GRID2: variants seen among roughly 807,000 people sequenced by gnomAD.
The protein encoded by GRID2 is glutamate receptor ionotropic, delta-2.
In GRID2, 33 loss-of-function variants were observed where a neutral mutation model predicts 114.8. That is an observed-to-expected ratio of 0.29 (90% CI 0.22 to 0.38). The LOEUF is 0.38. Among genes scored for constraint, GRID2 ranks in the 10% least tolerant of loss-of-function variants. GRID2 has a pLI of 1.00. For missense variants in GRID2, 1,184 were observed against 1,257.7 expected (o/e 0.94, Z 0.89); for synonymous variants, 505 against 449.9 (o/e 1.12, Z -1.55).
At chr4:93,631,551 T>C (rs1384713817) in intron 14 of GRID2, among the ~76,000 whole-genome samples, 2 of 152,244 alleles carry the variant, frequency 1.3e-5, no homozygotes, top group Admixed American at 1.3e-4. Flanking sequence ...GAACTCATCC[T>C]TTTTTATGGC....
intron 2 of GRID2, among the ~76,000 whole-genome samples, chr4:92,674,183 A>C (rs1201991575): frequency 2.0e-5 from 3 of 152,100 alleles, no homozygotes; most frequent in Non-Finnish European, 4.4e-5. Context: ...CAAATTAAGT[A>C]AAAACAAAAA....
chr4:92,776,069 G>A (rs186126879), intron 2 of GRID2, among the ~76,000 whole-genome samples: 2 of 152,188 alleles, frequency 1.3e-5, no homozygotes, highest in East Asian at 3.9e-4. Flanking sequence ...GATAATCTCA[G>A]ATTAAAACTT....
chr4:92,606,367 A>G (rs1296906932), intron 2 of GRID2, among the ~76,000 whole-genome samples: 1 of 152,086 alleles, frequency 6.6e-6, no homozygotes, highest in Non-Finnish European at 1.5e-5. Flanking sequence ...CAGCTGGGTT[A>G]GGTTAACTTA....
intron 2 of GRID2, among the ~76,000 whole-genome samples, chr4:92,700,383 C>T (rs547683692): frequency 1.5e-4 from 23 of 152,254 alleles, no homozygotes; most frequent in Non-Finnish European, 2.9e-4. Flanking sequence ...ACTTCTACTA[C>T]CAGACACCTA....
At chr4:92,678,375 A>G (rs1229708371) in intron 2 of GRID2, among the ~76,000 whole-genome samples, 2 of 152,106 alleles carry the variant, frequency 1.3e-5, no homozygotes, top group Admixed American at 1.3e-4. Flanking sequence ...TAAACCACCC[A>G]ACATTTTTTA....
intron 1 of GRID2, among the ~76,000 whole-genome samples, chr4:92,495,213 T>C (rs889713122): frequency 6.6e-6 from 1 of 151,986 alleles, no homozygotes; most frequent in African/African-American, 2.4e-5. Flanking sequence ...TTATCTGGAA[T>C]ACATTTCAAG....
At chr4:92,406,279 C>T in intron 1 of GRID2, among the ~76,000 whole-genome samples, 1 of 152,298 alleles carries the variant, frequency 6.6e-6, no homozygotes, top group East Asian at 1.9e-4. Flanking sequence ...AAAACTAATA[C>T]ATAACTTTAA....
rs764370755 is a variant in GRID2, at chr4:93,395,628, A to G, written c.1267A>G (p.Thr423Ala). Residue 423 changes from threonine (T) to alanine (A), a missense_variant, in exon 9 of 16, where the codon ACA becomes GCA. Around this residue, in one of 3 missense-constraint regions of GRID2, gnomAD observed 717 missense variants for 796.9 expected, o/e 0.90. Coordinates refer to ENST00000282020, the MANE Select transcript of GRID2 (RefSeq NM_001510.4). ...VRKLGCWNPV[T>A]GLNGSLTDKK... is the part of the protein sequence containing the mutation. The stretch of plus-strand genomic sequence containing the variant: ...TCAGCTTGGTTGCTGGAATCCTGTC[A>G]CAGGTCTGAATGGGTCACTGACTGA... 14 of 1,569,362 alleles carry G rather than the reference A, an allele frequency of 8.9e-6. No individual in the cohort carries two copies. In the Admixed American group the frequency reaches 1.7e-4, roughly 19 times the overall value.
chr4:93,702,219 C>G (rs369332610), intron 14 of GRID2, among the ~76,000 whole-genome samples: 1 of 152,060 alleles, frequency 6.6e-6, no homozygotes, highest in East Asian at 1.9e-4. Flanking sequence ...TAAATAGATT[C>G]CATACACCAA....
At chr4:93,417,676 AT>A (rs1447296204) in intron 9 of GRID2, among the ~76,000 whole-genome samples, 3 of 151,898 alleles carry the variant, frequency 2.0e-5, no homozygotes, top group Non-Finnish European at 4.4e-5. Flanking sequence ...CAATTTACCC[AT>A]TTTTGAATGT....
At chr4:93,726,950 C>G (rs1729966080) in intron 14 of GRID2, among the ~76,000 whole-genome samples, 1 of 152,184 alleles carries the variant, frequency 6.6e-6, no homozygotes, top group Non-Finnish European at 1.5e-5. Context: ...ATTTGACTTC[C>G]TCTTTTCCTA....
At chr4:92,871,632 T>A (rs1745287029) in intron 2 of GRID2, among the ~76,000 whole-genome samples, 1 of 152,092 alleles carries the variant, frequency 6.6e-6, no homozygotes, top group Admixed American at 6.6e-5. Flanking sequence ...AGGAAGCCAA[T>A]AATTTAGAAA....
intron 2 of GRID2, among the ~76,000 whole-genome samples, chr4:92,600,086 A>ATATATATATATC: frequency 8.1e-6 from 1 of 123,706 alleles, no homozygotes; most frequent in Non-Finnish European, 1.7e-5. Flanking sequence ...ATATATATAT[A>ATATATATATATC]TATTTCTCAG....
chr4:92,833,588 A>G (rs1167534074), intron 2 of GRID2: 5 of 152,226 alleles, frequency 3.3e-5, no homozygotes, highest in South Asian at 2.1e-4. Context: ...AGTTTTTACC[A>G]TCACATAAAC....
At position 92,372,533 on chromosome 4, in the gene GRID2, GT is replaced by G. The variant is rs543378800; in HGVS notation, c.88+67793del. On this transcript the variant is annotated intron_variant, in intron 1 of 15. Transcript: ENST00000282020. ...TTAAAATTAAGGTATTTAAATTATT[GT>G]TTTAGACATAATGCTATTGTTCATG... Among the ~76,000 whole-genome samples the G allele has an allele frequency of 4.6e-5, 7 of 152,190 alleles. 1 individual carries two copies. The South Asian group carries it at 1.5e-3, about 32-fold the overall frequency.
chr4:93,492,162 A>C (rs1727071135), intron 12 of GRID2, among the ~76,000 whole-genome samples: 1 of 151,946 alleles, frequency 6.6e-6, no homozygotes. Context: ...AATGATTACA[A>C]CAGCCCAGCC....
chr4:93,113,090 G>C (rs1732919854), intron 4 of GRID2, among the ~76,000 whole-genome samples: 1 of 152,196 alleles, frequency 6.6e-6, no homozygotes, highest in African/African-American at 2.4e-5. Context: ...AAATAAGGCA[G>C]AGGAGTATGT....
At chr4:92,701,902 C>G (rs1331187009) in intron 2 of GRID2, among the ~76,000 whole-genome samples, 1 of 152,072 alleles carries the variant, frequency 6.6e-6, no homozygotes. Flanking sequence ...TAAGACTAAA[C>G]CAGTTTAAGC....
intron 8 of GRID2, among the ~76,000 whole-genome samples, chr4:93,245,730 G>A (rs143192928): frequency 8.5e-4 from 130 of 152,248 alleles, no homozygotes; most frequent in African/African-American, 2.9e-3. Flanking sequence ...AGCAAATTGA[G>A]TTTCAAGTTC....
Sources: gnomAD v4.1 joint callset for allele counts (sites outside exome capture counted in the v4.1 genomes callset) on GRCh38, gnomAD v4.1.1 for gene constraint, gnomAD v4.1.1 regional missense constraint, MANE v1.5 for transcripts, NCBI Gene and HGNC (gene_info 2026-07-23, HGNC 2026-07-21) for gene names.